The following CYP46A1 variants were observed in gnomAD, a reference collection of about 807,000 sequenced individuals.
The protein encoded by CYP46A1 is cytochrome P450 family 46 subfamily A member 1.
CYP46A1 carries 20 observed loss-of-function variants against 63.3 expected under a neutral mutation model. The observed-to-expected ratio is 0.32, with a 90% CI of 0.22 to 0.46. The LOEUF (loss-of-function observed/expected upper bound fraction) is 0.46. Among genes scored for constraint, CYP46A1 ranks in the 20% least tolerant of loss-of-function variants. CYP46A1 has a pLI of 1.00. For synonymous variants in CYP46A1, 268 were observed against 273.6 expected (o/e 0.98, Z 0.20); for missense variants, 445 against 670.8 (o/e 0.66, Z 3.72).
chr14:99,726,304 G>T (rs201291132), intron 14 of CYP46A1, 48 bp downstream of exon 14: 4 of 1,586,642 alleles, frequency 2.5e-6, no homozygotes, highest in East Asian at 2.2e-5. Context: ...CTGCAGGGGT[G>T]GGGGCTCATC....
intron 3 of CYP46A1, among the ~76,000 whole-genome samples, chr14:99,694,561 G>A (rs1351064368): frequency 7.3e-5 from 11 of 150,542 alleles, no homozygotes; most frequent in Non-Finnish European, 1.0e-4. Flanking sequence ...GTGCAGTGGC[G>A]TGATCTCAGC....
intron 3 of CYP46A1, among the ~76,000 whole-genome samples, chr14:99,692,419 A>G (rs1402566177): frequency 6.6e-6 from 1 of 152,152 alleles, no homozygotes; most frequent in Non-Finnish European, 1.5e-5. Flanking sequence ...GGCACCTGTA[A>G]TACCAGCTAC....
intron 10 of CYP46A1, among the ~76,000 whole-genome samples, chr14:99,719,730 G>A (rs2056826590): frequency 6.7e-6 from 1 of 149,248 alleles, no homozygotes. Flanking sequence ...GTTGCAGTAT[G>A]TGTCAGAACT....
In CYP46A1 at chr14:99,684,488, A is replaced by T; in HGVS notation, c.71A>T (p.His24Leu). 1 of 1,481,442 alleles carries T rather than the reference A, an allele frequency of 6.8e-7. No individual in the cohort carries two copies. The highest frequency in any genetic ancestry group is 8.9e-7 in the Non-Finnish European group (1 of 1,122,380). The allele number at this position is 1,481,442 out of a possible 1,614,324, so 91.8% of individuals were successfully genotyped here. Residue 24 changes from histidine to leucine, a missense_variant, in exon 1 of 15, where the codon CAC (histidine) becomes CTC (leucine). This residue lies in a region of CYP46A1 where 252 missense variants were observed against 383.3 expected (regional missense o/e 0.66). Transcript: ENST00000261835. ...TTCGGCCTCTGCTGCACCTTCGTGC[A>T]CCGCGCTCGCAGCCGCTACGAGCAC... ...LAFGLCCTFV[H>L]RARSRYEHIP...
chr14:99,705,972 A>G (rs1326780130), intron 5 of CYP46A1: 2 of 152,272 alleles, frequency 1.3e-5, no homozygotes, highest in Non-Finnish European at 2.9e-5. Flanking sequence ...TTATAAAAGC[A>G]GCATTTTCTC....
chr14:99,697,722 C>T (rs2056598137), intron 3 of CYP46A1, among the ~76,000 whole-genome samples: 1 of 152,182 alleles, frequency 6.6e-6, no homozygotes, highest in South Asian at 2.1e-4. Context: ...GAGGAAGCAG[C>T]AAGGCACTGG....
intron 7 of CYP46A1, chr14:99,709,950 C>G (rs759543959): frequency 6.6e-6 from 1 of 152,136 alleles, no homozygotes; most frequent in Non-Finnish European, 1.5e-5. Context: ...AAATTAAAAA[C>G]TGTCAGTCAA....
chr14:99,707,436 G>T, intron 6 of CYP46A1, 132 bp from the exon 7 acceptor site: 1 of 656,550 alleles, frequency 1.5e-6, no homozygotes. Flanking sequence ...GTCATTGTAA[G>T]CAGCTGATGA....
intron 5 of CYP46A1, among the ~76,000 whole-genome samples, chr14:99,704,723 A>G (rs1007612532): frequency 1.3e-5 from 2 of 152,210 alleles, no homozygotes; most frequent in African/African-American, 2.4e-5. Flanking sequence ...CTTGCAAATA[A>G]ATATATACTT....
chr14:99,701,547 T>C (rs970717533), intron 5 of CYP46A1, among the ~76,000 whole-genome samples: 3 of 152,244 alleles, frequency 2.0e-5, no homozygotes, highest in Non-Finnish European at 2.9e-5. Context: ...GTATACTCTA[T>C]GCTGTACACA....
At position 99,715,666 on chromosome 14, in the gene CYP46A1, C is replaced by T. The variant is rs760387728; in HGVS notation, c.694-144C>T. ...TGCCATCTTGATCCAGTCTCCCTGG[C>T]TGCTTCATCTTTTCTAGAATTTCTC... On this transcript the variant is annotated intron_variant, in intron 7 of 14. Coordinates refer to ENST00000261835, the MANE Select transcript of CYP46A1 (RefSeq NM_006668.2). 1.1e-5 allele frequency: 11 copies of T among 1,047,310 alleles called. No homozygotes were observed. In the African/African-American group the frequency reaches 1.3e-4, roughly 12 times the overall value. 64.9% of individuals were successfully genotyped at this position (1,047,310 alleles called of 1,614,324 possible). A position where few individuals can be genotyped will look rare whatever the true frequency, so the allele number is the denominator to read the frequency against.
intron 3 of CYP46A1, among the ~76,000 whole-genome samples, chr14:99,694,922 A>T (rs1363328779): frequency 6.6e-6 from 1 of 152,264 alleles, no homozygotes; most frequent in Non-Finnish European, 1.5e-5. Context: ...TAATGTAAGC[A>T]TTTAGAGCTA....
intron 3 of CYP46A1, among the ~76,000 whole-genome samples, chr14:99,696,691 T>C (rs1461298618): frequency 1.3e-5 from 2 of 152,250 alleles, no homozygotes; most frequent in Non-Finnish European, 2.9e-5. Context: ...ATACATGTTT[T>C]ATAGTTCTTG....
chr14:99,703,462 A>C (rs1312327717), intron 5 of CYP46A1, among the ~76,000 whole-genome samples: 1 of 152,116 alleles, frequency 6.6e-6, no homozygotes, highest in Non-Finnish European at 1.5e-5. Flanking sequence ...TGAGAGATGA[A>C]GATCAGACCC....
chr14:99,691,974 G>C, intron 3 of CYP46A1, 113 bp downstream of exon 3: 2 of 1,093,882 alleles, frequency 1.8e-6, no homozygotes, highest in Non-Finnish European at 2.7e-6. Flanking sequence ...GCGCATTTCG[G>C]CTGGTTTCCC....
At chr14:99,686,409 T>C (rs2056494695) in intron 1 of CYP46A1, among the ~76,000 whole-genome samples, 1 of 152,226 alleles carries the variant, frequency 6.6e-6, no homozygotes, top group South Asian at 2.1e-4. Context: ...TGGTTTTTGG[T>C]ACATTCACAG....
At chr14:99,720,782 G>C (rs997635129) in intron 10 of CYP46A1, among the ~76,000 whole-genome samples, 1 of 152,100 alleles carries the variant, frequency 6.6e-6, no homozygotes, top group Non-Finnish European at 1.5e-5. Flanking sequence ...GCCATCGCTG[G>C]ATCTCTTTAA....
intron 7 of CYP46A1, 168 bp downstream of exon 7, chr14:99,707,846 G>T: frequency 1.7e-6 from 1 of 594,816 alleles, no homozygotes; most frequent in Non-Finnish European, 3.0e-6. Context: ...CTAAAGTAAA[G>T]GCTTAAAATC....
Position 99,684,515 on chromosome 14 carries a change from TC to T in CYP46A1, c.102del (p.Pro36ArgfsTer8). ...VHRARSRYEHIPGPPRPSFLL... is the reference protein window; with the variant it reads ...VHRARSRYEHXPGPPRPSFLL... ...CGCGCTCGCAGCCGCTACGAGCACATCCCCGGGCCGCCGCGGCCCAGGTGAG... is the reference window on the plus strand; with the variant it reads ...CGCGCTCGCAGCCGCTACGAGCACATCCCGGGCCGCCGCGGCCCAGGTGAG... On this transcript the variant is annotated frameshift_variant, in exon 1 of 15. Coordinates refer to ENST00000261835, the MANE Select transcript of CYP46A1 (RefSeq NM_006668.2). LOFTEE classifies it high-confidence loss of function. 1 of 1,473,210 alleles carries T rather than the reference TC, an allele frequency of 6.8e-7. No homozygotes were observed. The highest frequency in any genetic ancestry group is 9.0e-7 in the Non-Finnish European group (1 of 1,117,308). The allele number at this position is 1,473,210 out of a possible 1,614,324, so 91.3% of individuals were successfully genotyped here.
Sources: gnomAD v4.1 joint callset for allele counts (sites outside exome capture counted in the v4.1 genomes callset) on GRCh38, gnomAD v4.1.1 for gene constraint, gnomAD v4.1.1 regional missense constraint, MANE v1.5 for transcripts, NCBI Gene and HGNC (gene_info 2026-07-23, HGNC 2026-07-21) for gene names.